MID1: variants seen among roughly 807,000 people sequenced by gnomAD.
MID1 encodes E3 ubiquitin-protein ligase Midline-1.
In MID1, 7 loss-of-function variants were observed where a neutral mutation model predicts 40.4. The ratio of observed to expected loss-of-function variants is 0.17; its 90% CI spans 0.10 to 0.33. The LOEUF (loss-of-function observed/expected upper bound fraction) is 0.33, where lower values mean the gene tolerates loss of function less well. MID1 is among the 10% of genes least tolerant of loss of function. The pLI is 1.00. For synonymous variants in MID1, 229 were observed against 221.2 expected, an observed-to-expected ratio of 1.04 and a Z score of -0.31; for missense variants, 367 against 558.5, an observed-to-expected ratio of 0.66 and a Z score of 3.46.
chrX:10,663,904 T>C (rs5978411), intron 1 of MID1, among the ~76,000 whole-genome samples: 12,620 of 111,315 alleles, frequency 0.11, 1,269 homozygotes, highest in African/African-American at 0.32. Flanking sequence ...TATGGTCCTG[T>C]TGATGCTAAC....
At position 10,557,757 on chromosome X, in the gene MID1, A is replaced by G. The variant is rs748044342; in HGVS notation, c.660+9131T>C. On this transcript the variant is annotated intron_variant, in intron 2 of 9. Transcript: ENST00000317552. ...TCCCCACTGTGTCTTACTGCACTAG[A>G]AAAGCAGGAAAAGAATCACATTTGT... Among the ~76,000 whole-genome samples the G allele has an allele frequency of 9.1e-4, 102 of 112,263 alleles. 1 individual carries two copies. The highest frequency in any genetic ancestry group is 3.2e-3 in the African/African-American group (98 of 30,917).
rs765648589 is a variant in MID1, at chrX:10,728,656, G to A, written c.-187+104898C>T. ...ATGAGATCCGTTGGAAAGGCTATTT[G>A]GAGATGTTTGTGCAGCACATGCTCA... On this transcript the variant is annotated intron_variant, in intron 1 of 10. Coordinates refer to the MID1 transcript ENST00000380785. Among the ~76,000 whole-genome samples, 114 of 112,020 alleles carry A rather than the reference G, an allele frequency of 1.0e-3. 2 individuals carry two copies. The highest frequency in any genetic ancestry group is 4.3e-4 in the Non-Finnish European group (23 of 53,160).
intron 1 of MID1, among the ~76,000 whole-genome samples, chrX:10,688,030 AT>A (rs1368423428): frequency 9.0e-6 from 1 of 110,855 alleles, no homozygotes; most frequent in Non-Finnish European, 1.9e-5. Context: ...ATGCCAATAT[AT>A]TTTTTTCTTT....
At chrX:10,745,002 C>T (rs927909939) in intron 1 of MID1, among the ~76,000 whole-genome samples, 3 of 112,434 alleles carry the variant, frequency 2.7e-5, no homozygotes, top group Non-Finnish European at 3.8e-5. Flanking sequence ...GCTAGAGCTA[C>T]TGTTAACCAC....
intron 3 of MID1, among the ~76,000 whole-genome samples, chrX:10,497,373 AC>A (rs768806845): frequency 9.0e-6 from 1 of 111,702 alleles, no homozygotes; most frequent in South Asian, 3.7e-4. Context: ...TTTAGCAAGA[AC>A]CCTGCTGAGT....
At chrX:10,529,466 T>A (rs1344975613) in intron 2 of MID1, among the ~76,000 whole-genome samples, 4 of 112,531 alleles carry the variant, frequency 3.6e-5, no homozygotes, top group African/African-American at 1.3e-4. Flanking sequence ...ATTTCTAAAA[T>A]GTTGTGCAAT....
intron 1 of MID1, among the ~76,000 whole-genome samples, chrX:10,768,627 T>C (rs2043746384): frequency 9.0e-6 from 1 of 111,443 alleles, no homozygotes; most frequent in Non-Finnish European, 1.9e-5. Flanking sequence ...TTCAACAGAA[T>C]ACAAGAATAT....
At chrX:10,816,006 G>A (rs2044133708) in intron 1 of MID1, among the ~76,000 whole-genome samples, 1 of 111,603 alleles carries the variant, frequency 9.0e-6, no homozygotes, top group African/African-American at 3.3e-5. Context: ...CTTGTTAGAT[G>A]TGCAGACTCT....
chrX:10,591,092 G>A (rs1178669400), intron 1 of MID1, among the ~76,000 whole-genome samples: 1 of 111,086 alleles, frequency 9.0e-6, no homozygotes, highest in Non-Finnish European at 1.9e-5. Context: ...GCAATCTAGG[G>A]CTTAAAAATT....
chrX:10,821,519 G>A lies in MID1; in HGVS notation c.-187+12035C>T, dbSNP rs759489990. ...ACCCGTTGGCTGGCTGTTTTGGCAT[G>A]TGGACTAACAACACTCCCTTTGTCT... On this transcript the variant is annotated intron_variant, in intron 1 of 10. Coordinates refer to the MID1 transcript ENST00000380785. 7.2e-4 allele frequency among the ~76,000 whole-genome samples: 81 copies of A among 112,078 alleles called. 1 individual carries two copies. Among genetic ancestry groups the A allele is most frequent in the Non-Finnish European group, 3.2e-4 (17 of 53,200 alleles).
chrX:10,477,277 T>C (rs1930068620), intron 5 of MID1, among the ~76,000 whole-genome samples: 1 of 112,371 alleles, frequency 8.9e-6, no homozygotes, highest in Non-Finnish European at 1.9e-5. Context: ...CCCAAGTTTC[T>C]CCTGGTTCCA....
At chrX:10,650,922 C>T (rs1936310334) in intron 1 of MID1, among the ~76,000 whole-genome samples, 1 of 111,590 alleles carries the variant, frequency 9.0e-6, no homozygotes, top group Non-Finnish European at 1.9e-5. Context: ...ACAGAAAACT[C>T]ATTCTCTCCC....
intron 2 of MID1, among the ~76,000 whole-genome samples, chrX:10,542,212 T>C (rs1300322579): frequency 2.7e-5 from 3 of 112,348 alleles, no homozygotes; most frequent in Non-Finnish European, 5.6e-5. Flanking sequence ...TCGCAGACTT[T>C]TTAAGGCTGG....
intron 1 of MID1, among the ~76,000 whole-genome samples, chrX:10,698,931 C>T (rs964237982): frequency 1.8e-5 from 2 of 111,459 alleles, no homozygotes; most frequent in African/African-American, 6.5e-5. Flanking sequence ...TAACCCTTGT[C>T]TTCCATTAGT....
chrX:10,794,410 A>T (rs2043954694), intron 1 of MID1, among the ~76,000 whole-genome samples: 1 of 112,437 alleles, frequency 8.9e-6, no homozygotes, highest in Non-Finnish European at 1.9e-5. Flanking sequence ...ACAAATTGTC[A>T]TAGAAATGTA....
At chrX:10,810,367 G>A (rs1006992278) in intron 1 of MID1, among the ~76,000 whole-genome samples, 1 of 112,001 alleles carries the variant, frequency 8.9e-6, no homozygotes, top group African/African-American at 3.2e-5. Flanking sequence ...TAAAGGTCCT[G>A]AATAAAATTC....
intron 1 of MID1, among the ~76,000 whole-genome samples, chrX:10,643,592 T>C (rs1936227904): frequency 8.9e-6 from 1 of 111,805 alleles, no homozygotes; most frequent in Non-Finnish European, 1.9e-5. Context: ...TGGAAGTCAG[T>C]GTAGCGATTC....
intron 1 of MID1, among the ~76,000 whole-genome samples, chrX:10,710,622 A>G (rs1481238402): frequency 9.0e-6 from 1 of 110,672 alleles, no homozygotes; most frequent in Non-Finnish European, 1.9e-5. Context: ...ACTTTGGAGG[A>G]GACCAGGGCA....
chrX:10,554,874 C>T (rs1934059249), intron 2 of MID1, among the ~76,000 whole-genome samples: 2 of 111,651 alleles, frequency 1.8e-5, no homozygotes, highest in Admixed American at 1.9e-4. Flanking sequence ...GAGCTCTAAA[C>T]AGCTGTGTCA....
Sources: allele counts gnomAD v4.1 joint callset (sites outside exome capture counted in the v4.1 genomes callset), GRCh38; gene constraint gnomAD v4.1.1; transcripts MANE v1.5; gene names NCBI Gene and HGNC (gene_info 2026-07-23, HGNC 2026-07-21).